Variants in SSUH2 observed in about 807,000 individuals in gnomAD.
SSUH2 encodes the protein ssu-2 homolog, also known as protein SSUH2 homolog.
In SSUH2, 47 loss-of-function variants were observed where a neutral mutation model predicts 55.3. The observed-to-expected ratio is 0.85, with a 90% CI of 0.67 to 1.08. The LOEUF (loss-of-function observed/expected upper bound fraction) is 1.08. SSUH2 is among the 50% of genes least tolerant of loss of function. SSUH2 has a pLI of 0.00. For missense variants in SSUH2, 535 were observed against 490.7 expected (o/e 1.09, Z -0.85); for synonymous variants, 212 against 191.5 (o/e 1.11, Z -0.89).
At chr3:8,629,962 G>A (rs1038335075) in intron 6 of SSUH2, among the ~76,000 whole-genome samples, 3 of 152,154 alleles carry the variant, frequency 2.0e-5, no homozygotes, top group East Asian at 1.9e-4. Context: ...AAGGGGAGAC[G>A]TGTTCTGGGA....
In SSUH2 at chr3:8,623,568, C is replaced by T. The variant is rs149593163; in HGVS notation, c.962G>A (p.Arg321His). The T allele has an allele frequency of 1.1e-5, 17 of 1,550,248 alleles. No homozygotes were observed. The highest frequency in any genetic ancestry group is 2.4e-5 in the East Asian group (1 of 40,924). The change falls in exon 11 of 12, where the codon CGT (arginine) becomes CAT (histidine). Residue 321 changes from arginine (R) to histidine (H), a missense_variant. Physicochemically the swap from Arg to His is conservative, Grantham distance 29. Coordinates refer to ENST00000544814, the MANE Select transcript of SSUH2 (RefSeq NM_001256748.3). ...GCTCACCTGCTGCAGGACGCGGGCA[C>T]GGGAGGCCAAGGCAGCGCTGTGCTC... ...IAEHSAALAS[R>H]ARVLQQRQTI...
chr3:8,668,970 G>A (rs1262727156), intron 5 of SSUH2, among the ~76,000 whole-genome samples: 1 of 151,936 alleles, frequency 6.6e-6, no homozygotes, highest in East Asian at 1.9e-4. Flanking sequence ...GGGAAGGAAA[G>A]GGAGGAAGGG....
chr3:8,678,416 A>AAC (rs758143018), intron 2 of SSUH2, among the ~76,000 whole-genome samples: 26 of 152,196 alleles, frequency 1.7e-4, no homozygotes, highest in East Asian at 3.9e-4. Context: ...AGGCTGGGTG[A>AAC]ACAGCCTGCG....
intron 3 of SSUH2, among the ~76,000 whole-genome samples, chr3:8,673,024 C>T (rs1575384682): frequency 6.6e-6 from 1 of 152,064 alleles, no homozygotes; most frequent in South Asian, 2.1e-4. Context: ...TTAATTCTTC[C>T]TCATTTAATA....
chr3:8,648,473 C>T (rs1033843817), upstream of SSUH2, among the ~76,000 whole-genome samples: 1 of 152,202 alleles, frequency 6.6e-6, no homozygotes, highest in African/African-American at 2.4e-5. Context: ...GGCCAGAGGC[C>T]TTCAGGAAGG....
At chr3:8,631,960 G>T in intron 5 of SSUH2, 89 bp downstream of exon 5, 1 of 1,025,852 alleles carries the variant, frequency 9.7e-7, no homozygotes, top group Non-Finnish European at 1.5e-6. Flanking sequence ...TCTTATTTGA[G>T]ATGAGTGCCT....
intron 6 of SSUH2, among the ~76,000 whole-genome samples, chr3:8,660,164 G>C (rs1251929613): frequency 1.3e-5 from 2 of 152,166 alleles, no homozygotes; most frequent in Non-Finnish European, 2.9e-5. Flanking sequence ...GGAGAGTGTG[G>C]TTACCTGGCT....
chr3:8,660,109 A>G (rs980033323), intron 6 of SSUH2, among the ~76,000 whole-genome samples: 2 of 152,214 alleles, frequency 1.3e-5, no homozygotes, highest in African/African-American at 4.8e-5. Context: ...GTTAGTTTCC[A>G]CAGGGACTAC....
chr3:8,673,504 A>G (rs1280770763), intron 3 of SSUH2, among the ~76,000 whole-genome samples: 1 of 152,104 alleles, frequency 6.6e-6, no homozygotes, highest in African/African-American at 2.4e-5. Context: ...GACCTTCTCA[A>G]CTGGGAAAAC....
At position 8,635,815 on chromosome 3, in the gene SSUH2, G is replaced by T. The variant is rs60723042; in HGVS notation, c.71C>A (p.Pro24His). ...LSFEAESPLA[P>H]PTELLERLPS... ...CAGTCTCTCCAGGAGCTCTGTGGGG[G>T]GCGCCAGAGGACTCTCGGCCTCAAA... Residue 24 changes from proline to histidine, a missense_variant, in exon 2 of 12, where the codon CCC becomes CAC. Physicochemically the swap from Pro to His is moderately conservative, Grantham distance 77. Coordinates refer to ENST00000544814, the MANE Select transcript of SSUH2 (RefSeq NM_001256748.3). 1 of 1,536,020 alleles carries T rather than the reference G, an allele frequency of 6.5e-7. No homozygotes were observed. The highest frequency in any genetic ancestry group is 8.7e-7 in the Non-Finnish European group (1 of 1,146,860).
chr3:8,635,710 C>A (rs778262626), intron 2 of SSUH2, 49 bp downstream of exon 2: 7 of 1,466,528 alleles, frequency 4.8e-6, no homozygotes, highest in Non-Finnish European at 5.5e-6. Context: ...CACCAACCAG[C>A]GTGAGCCCTA....
intron 1 of SSUH2, among the ~76,000 whole-genome samples, chr3:8,681,330 A>G (rs1256641063): frequency 1.1e-3 from 140 of 131,242 alleles, no homozygotes; most frequent in Admixed American, 1.7e-3. Flanking sequence ...GGGTGGAGGC[A>G]CCCCCCGCGG....
At chr3:8,677,149 C>T (rs1389970868) in intron 3 of SSUH2, 1 of 152,254 alleles carries the variant, frequency 6.6e-6, no homozygotes, top group Non-Finnish European at 1.5e-5. Context: ...GAGCCAGCCC[C>T]TCTTCCCCCC....
intron 7 of SSUH2, among the ~76,000 whole-genome samples, chr3:8,656,514 C>A (rs149887306): frequency 1.3e-5 from 2 of 152,136 alleles, no homozygotes; most frequent in Admixed American, 6.5e-5. Context: ...GACCCAGGGA[C>A]GGAGCAACAG....
upstream of SSUH2, among the ~76,000 whole-genome samples, chr3:8,648,391 C>T (rs925736755): frequency 2.0e-5 from 3 of 152,128 alleles, no homozygotes; most frequent in Non-Finnish European, 4.4e-5. Context: ...TGGCTTGGCC[C>T]GTGTAAGTCT....
intron 10 of SSUH2, among the ~76,000 whole-genome samples, chr3:8,624,177 C>A (rs1424359690): frequency 2.0e-5 from 3 of 152,192 alleles, no homozygotes; most frequent in East Asian, 3.9e-4. Flanking sequence ...GGCTTGAAAG[C>A]CTTCCACATA....
At chr3:8,644,963 G>A (rs1391698498), upstream of SSUH2, among the ~76,000 whole-genome samples, 1 of 152,164 alleles carries the variant, frequency 6.6e-6, no homozygotes, top group African/African-American at 2.4e-5. Context: ...TCTTCCACAA[G>A]AGCCTTCTAC....
chr3:8,630,188 C>T (rs192205027), intron 6 of SSUH2, among the ~76,000 whole-genome samples: 3 of 152,298 alleles, frequency 2.0e-5, no homozygotes, highest in Admixed American at 2.0e-4. Flanking sequence ...AACACTTTCT[C>T]GACCTCTCAA....
Position 8,619,752 on chromosome 3 carries a change from C to T in SSUH2, c.*116G>A. 1 of 1,264,898 alleles carries T rather than the reference C, an allele frequency of 7.9e-7. No homozygotes were observed. 78.4% of individuals were successfully genotyped at this position (1,264,898 alleles called of 1,614,324 possible). ...TGATAAGCTGGTTTTTCTGGAAGGA[C>T]ATGCCAGGGTTTGTATGTGATTGTC... On this transcript the variant is annotated 3_prime_UTR_variant, in exon 12 of 12. Coordinates refer to ENST00000544814, the MANE Select transcript of SSUH2 (RefSeq NM_001256748.3).
Sources: gnomAD v4.1 joint callset for allele counts (sites outside exome capture counted in the v4.1 genomes callset) on GRCh38, gnomAD v4.1.1 for gene constraint, MANE v1.5 for transcripts, NCBI Gene and HGNC (gene_info 2026-07-23, HGNC 2026-07-21) for gene names.